The following CFAP47 variants were observed in gnomAD, a reference collection of about 807,000 sequenced individuals.
CFAP47 encodes the protein cilia- and flagella-associated protein 47.
A neutral mutation model predicts 148.1 loss-of-function variants in CFAP47; 29 were observed. The observed-to-expected ratio is 0.20, with a 90% CI of 0.15 to 0.27. The LOEUF (loss-of-function observed/expected upper bound fraction) is 0.27. Ranked by LOEUF, CFAP47 falls within the 10% of genes least tolerant of loss-of-function variation. The probability of loss-of-function intolerance (pLI) is 1.00; values close to 1 mark genes in which losing one functional copy is unlikely to be tolerated. For synonymous variants in CFAP47, 664 were observed against 577.3 expected (o/e 1.15, Z -2.15); for missense variants, 1,872 against 1,697.5 (o/e 1.10, Z -1.81).
chrX:36,313,684 G>T (rs782643333), intron 56 of CFAP47, among the ~76,000 whole-genome samples: 18 of 111,408 alleles, frequency 1.6e-4, no homozygotes, highest in African/African-American at 5.9e-4. Context: ...TAGGCAAGTT[G>T]ATAACAAGAC....
intron 51 of CFAP47, among the ~76,000 whole-genome samples, chrX:36,290,285 T>C: frequency 9.0e-6 from 1 of 111,616 alleles, no homozygotes; most frequent in East Asian, 2.8e-4. Flanking sequence ...ATTTACAGAG[T>C]ATCTAGGTAG....
In CFAP47 at chrX:36,071,813, T is replaced by C. The variant is rs1449306621; in HGVS notation, c.4319-12T>C. 1 of 1,198,302 alleles carries C rather than the reference T, an allele frequency of 8.3e-7. No homozygotes were observed. The highest frequency in any genetic ancestry group is 1.1e-6 in the Non-Finnish European group (1 of 889,291). On this transcript the variant is annotated splice_polypyrimidine_tract_variant and intron_variant, in intron 27 of 63. Coordinates refer to ENST00000378653, the MANE Select transcript of CFAP47 (RefSeq NM_001304548.2). Reference sequence around the variant, plus strand: ...ATGTTTTGCTTACTGTGATCCAATGTGTCATTTGTAGATAAGGATGAATAT... The same window carrying C: ...ATGTTTTGCTTACTGTGATCCAATGCGTCATTTGTAGATAAGGATGAATAT...
At chrX:36,236,973 C>G (rs1405565454) in intron 48 of CFAP47, 114 bp downstream of exon 48, 3 of 409,888 alleles carry the variant, frequency 7.3e-6, no homozygotes, top group Non-Finnish European at 1.3e-5. Context: ...TCAGTTGAAG[C>G]AATGTCACAT....
intron 51 of CFAP47, among the ~76,000 whole-genome samples, chrX:36,288,751 G>A (rs1602092319): frequency 9.0e-6 from 1 of 111,193 alleles, no homozygotes; most frequent in South Asian, 3.8e-4. Flanking sequence ...ACACAAGTGA[G>A]ACCAGGTGCG....
chrX:36,101,630 T>C (rs1161806195), intron 32 of CFAP47, among the ~76,000 whole-genome samples: 1 of 111,498 alleles, frequency 9.0e-6, no homozygotes, highest in Non-Finnish European at 1.9e-5. Context: ...TATACATTTC[T>C]TTAGTTAAGG....
intron 48 of CFAP47, among the ~76,000 whole-genome samples, chrX:36,237,537 C>T (rs1354053975): frequency 1.8e-5 from 2 of 111,124 alleles, no homozygotes; most frequent in Non-Finnish European, 3.8e-5. Flanking sequence ...ACCATGTTGG[C>T]CAGGCTGGTA....
At chrX:36,047,589 A>G (rs1937481987) in intron 26 of CFAP47, among the ~76,000 whole-genome samples, 1 of 112,126 alleles carries the variant, frequency 8.9e-6, no homozygotes, top group African/African-American at 3.2e-5. Flanking sequence ...CAGAAATACC[A>G]TTTTTACATC....
intron 22 of CFAP47, among the ~76,000 whole-genome samples, chrX:36,020,266 G>A (rs770943044): frequency 1.4e-4 from 16 of 111,926 alleles, no homozygotes; most frequent in African/African-American, 3.9e-4. Context: ...ATGATTCTTC[G>A]TTGAGAATGA....
chrX:36,068,196 G>A (rs1267256903), intron 27 of CFAP47, among the ~76,000 whole-genome samples: 1 of 111,586 alleles, frequency 9.0e-6, no homozygotes, highest in Non-Finnish European at 1.9e-5. Context: ...CCATGACACC[G>A]TACACAGTTA....
chrX:36,369,363 A>G (rs782552623), intron 62 of CFAP47, among the ~76,000 whole-genome samples: 18 of 111,323 alleles, frequency 1.6e-4, no homozygotes, highest in African/African-American at 5.2e-4. Context: ...GGTATTTTCT[A>G]AAGTATAGAT....
At chrX:36,184,539 C>G (rs909781510) in intron 40 of CFAP47, among the ~76,000 whole-genome samples, 17 of 111,876 alleles carry the variant, frequency 1.5e-4, no homozygotes, top group African/African-American at 4.9e-4. Context: ...TCATTAATCT[C>G]TATGTCTCAG....
rs142783252 is a variant in CFAP47 at position 36,050,644 on chromosome X, G to A, written c.4217+3581G>A. 5.1e-3 allele frequency among the ~76,000 whole-genome samples: 574 copies of A among 112,307 alleles called. 4 individuals carry two copies. Among genetic ancestry groups the A allele is most frequent in the African/African-American group, 0.017 (521 of 30,940 alleles). On this transcript the variant is annotated intron_variant, in intron 26 of 63. Coordinates refer to ENST00000378653, the MANE Select transcript of CFAP47 (RefSeq NM_001304548.2). ...GAAAAATTTGCAGCCTGATACTGCA[G>A]TAGAATAGAAAAACCCATTTTCTGT... is the stretch of plus-strand genomic sequence containing the variant.
At chrX:36,273,650 T>C (rs1940983412) in intron 49 of CFAP47, among the ~76,000 whole-genome samples, 1 of 111,592 alleles carries the variant, frequency 9.0e-6, no homozygotes, top group East Asian at 2.8e-4. Flanking sequence ...GAGTGGAATA[T>C]AGGCCAAAAA....
rs782687841 is a variant in CFAP47, at chrX:36,270,549, G to GTATATATATA, written c.7445-9930_7445-9921dup. On this transcript the variant is annotated intron_variant, in intron 49 of 63. Transcript: ENST00000378653. ...TTGAATTTTGAGAGTTTTAAAATTTGTATATATATATATATATGATACCCT... is the reference window on the plus strand; with the variant it reads ...TTGAATTTTGAGAGTTTTAAAATTTGTATATATATATATATATATATATATATGATACCCT... Among the ~76,000 whole-genome samples, 694 of 95,468 alleles carry GTATATATATA rather than the reference G, an allele frequency of 7.3e-3. 5 individuals carry two copies. Among genetic ancestry groups the GTATATATATA allele is most frequent in the African/African-American group, 0.023 (592 of 25,673 alleles). The allele number at this position is 95,468 out of a possible 115,157, so 82.9% of individuals were successfully genotyped here.
Position 36,080,121 on chromosome X carries a change from G to A in CFAP47, c.4692-5193G>A, listed in dbSNP as rs778681351. 3.1e-4 allele frequency among the ~76,000 whole-genome samples: 34 copies of A among 111,462 alleles called. No individual in the cohort carries two copies. The South Asian group carries it at 7.6e-3, about 25-fold the overall frequency. On this transcript the variant is annotated intron_variant, in intron 29 of 63. Transcript: ENST00000378653. ...CAACCCCATCAAAAAGTGGGCAAAG[G>A]ATATGAGGAGACGATTTTCAAAAGA...
intron 49 of CFAP47, among the ~76,000 whole-genome samples, chrX:36,256,366 C>T (rs1940751804): frequency 9.0e-6 from 1 of 111,724 alleles, no homozygotes. Context: ...TTAGAGATGG[C>T]TGTAAAGATG....
intron 3 of CFAP47, among the ~76,000 whole-genome samples, chrX:35,943,164 A>G (rs1936035279): frequency 8.9e-6 from 1 of 112,008 alleles, no homozygotes; most frequent in African/African-American, 3.2e-5. Flanking sequence ...ATACGTGTTC[A>G]TGATAATAGC....
chrX:36,008,732 T>C (rs1262606763), intron 21 of CFAP47, among the ~76,000 whole-genome samples: 1 of 110,754 alleles, frequency 9.0e-6, no homozygotes, highest in Non-Finnish European at 1.9e-5. Flanking sequence ...ATCACACCAC[T>C]GCACTCCAGC....
At chrX:35,963,165 G>A (rs1259661451) in intron 8 of CFAP47, among the ~76,000 whole-genome samples, 2 of 110,404 alleles carry the variant, frequency 1.8e-5, no homozygotes, top group African/African-American at 6.6e-5. Context: ...GTTGCCAGGG[G>A]CAGTGGATGG....
Sources: gnomAD v4.1 joint callset for allele counts (sites outside exome capture counted in the v4.1 genomes callset) on GRCh38, gnomAD v4.1.1 for gene constraint, MANE v1.5 for transcripts, NCBI Gene and HGNC (gene_info 2026-07-23, HGNC 2026-07-21) for gene names.